Variants in ZFPM2 observed in about 807,000 individuals in gnomAD.
ZFPM2 encodes zinc finger protein ZFPM2.
A neutral mutation model predicts 98.6 loss-of-function variants in ZFPM2; 20 were observed. The ratio of observed to expected loss-of-function variants is 0.20; its 90% CI spans 0.14 to 0.29. The LOEUF (loss-of-function observed/expected upper bound fraction) is 0.29, where lower values mean the gene tolerates loss of function less well. ZFPM2 is among the 10% of genes least tolerant of loss of function. The pLI is 1.00. For missense variants in ZFPM2, 1,310 were observed against 1,388.6 expected, an observed-to-expected ratio of 0.94 and a Z score of 0.90; for synonymous variants, 518 against 502.7, an observed-to-expected ratio of 1.03 and a Z score of -0.41.
intron 4 of ZFPM2, among the ~76,000 whole-genome samples, chr8:105,562,792 A>G (rs887724983): frequency 1.3e-5 from 2 of 152,186 alleles, no homozygotes; most frequent in Non-Finnish European, 2.9e-5. Flanking sequence ...TTTTAAGGTC[A>G]GCTGATTAAC....
In ZFPM2 at chr8:105,801,693, C is replaced by T. The variant is rs1189081125; in HGVS notation, c.1611C>T (p.Pro537=). The T allele has an allele frequency of 6.8e-6, 11 of 1,613,600 alleles. No homozygotes were observed. The highest frequency in any genetic ancestry group is 1.6e-4 in the Middle Eastern group (1 of 6,082). ...GGCATGGCAGTAGTAGCTACCCTCC[C>T]GTCATTTACAGCCCTTTGATGCCCA... ...RLRHGSSSYP[P]VIYSPLMPKG... The change falls in exon 8 of 8, where the codon CCC becomes CCT. Residue 537 remains proline (P), a synonymous_variant. Coordinates refer to ENST00000407775, the MANE Select transcript of ZFPM2 (RefSeq NM_012082.4).
At chr8:105,385,256 G>A (rs1810964931) in intron 1 of ZFPM2, among the ~76,000 whole-genome samples, 1 of 152,200 alleles carries the variant, frequency 6.6e-6, no homozygotes, top group Non-Finnish European at 1.5e-5. Context: ...TGGACTCTGG[G>A]CAGGTTGTGA....
chr8:105,455,921 G>A (rs530667757), intron 3 of ZFPM2, among the ~76,000 whole-genome samples: 1 of 152,132 alleles, frequency 6.6e-6, no homozygotes, highest in Non-Finnish European at 1.5e-5. Context: ...CTGGGGTAGA[G>A]ATAGAAATTG....
intron 1 of ZFPM2, among the ~76,000 whole-genome samples, chr8:105,403,992 AAACAACAAC>A (rs58138715): frequency 0.03 from 4,444 of 147,646 alleles, 90 homozygotes; most frequent in African/African-American, 0.06. Flanking sequence ...ATTGGTGTTA[AAACAACAAC>A]AACAACAACA....
chr8:105,578,794 A>G (rs1563727888), intron 4 of ZFPM2, among the ~76,000 whole-genome samples: 1 of 152,138 alleles, frequency 6.6e-6, no homozygotes, highest in Admixed American at 6.6e-5. Flanking sequence ...TTTCTTTATA[A>G]TGCTTTTAGA....
intron 5 of ZFPM2, among the ~76,000 whole-genome samples, chr8:105,661,977 G>GA (rs892533490): frequency 9.6e-5 from 14 of 145,410 alleles, no homozygotes; most frequent in East Asian, 4.0e-4. Flanking sequence ...CTCTTTGTAA[G>GA]AAAAAAAAAA....
At chr8:105,697,206 T>C (rs535102102) in intron 5 of ZFPM2, among the ~76,000 whole-genome samples, 3 of 152,206 alleles carry the variant, frequency 2.0e-5, no homozygotes, top group Non-Finnish European at 2.9e-5. Context: ...AAATTTGAAA[T>C]ACACAGTCCA....
At chr8:105,471,149 T>A (rs974078760) in intron 3 of ZFPM2, among the ~76,000 whole-genome samples, 8 of 152,188 alleles carry the variant, frequency 5.3e-5, no homozygotes, top group African/African-American at 1.9e-4. Context: ...GATGTTCTCT[T>A]GTTTGGCTGT....
At chr8:105,564,643 C>T (rs1586466257) in intron 4 of ZFPM2, among the ~76,000 whole-genome samples, 2 of 151,940 alleles carry the variant, frequency 1.3e-5, no homozygotes, top group Non-Finnish European at 1.5e-5. Flanking sequence ...ACTTCTGATT[C>T]GAGAGTCTGC....
At chr8:105,728,120 AG>A (rs892102981) in intron 5 of ZFPM2, among the ~76,000 whole-genome samples, 13 of 151,720 alleles carry the variant, frequency 8.6e-5, no homozygotes, top group Admixed American at 7.9e-4. Context: ...TGGTTTTTAT[AG>A]TAAATTGCCA....
chr8:105,563,394 A>G (rs896105304), intron 4 of ZFPM2, among the ~76,000 whole-genome samples: 1 of 152,202 alleles, frequency 6.6e-6, no homozygotes, highest in Non-Finnish European at 1.5e-5. Context: ...TACTTTGTAC[A>G]TTCATGTATT....
chr8:105,770,625 A>C (rs1041023593), intron 5 of ZFPM2, among the ~76,000 whole-genome samples: 3 of 152,102 alleles, frequency 2.0e-5, no homozygotes, highest in African/African-American at 7.2e-5. Context: ...CTTAGAGGGC[A>C]CATTATTTTG....
chr8:105,684,872 C>A (rs1049805835), intron 5 of ZFPM2: 1 of 151,964 alleles, frequency 6.6e-6, no homozygotes, highest in Non-Finnish European at 1.5e-5. Context: ...CCAACTATAT[C>A]GACATAAAGA....
In ZFPM2 at chr8:105,802,073, A is replaced by T. The variant is rs1563573987; in HGVS notation, c.1991A>T (p.Asn664Ile). The stretch of plus-strand genomic sequence containing the variant: ...TCCAGTAACAATGATGACAAAATTA[A>T]TGGAAAACCTGTTGATGTGAAAAAT... ...STSSNNDDKI[N>I]GKPVDVKNPS... Residue 664 changes from asparagine (N) to isoleucine (I), a missense_variant, in exon 8 of 8, where the codon AAT becomes ATT. By Grantham distance (149) the Asn-to-Ile change is moderately radical. Transcript: ENST00000407775. 6 of 1,613,862 alleles carry T rather than the reference A, an allele frequency of 3.7e-6. No individual in the cohort carries two copies. Among genetic ancestry groups the T allele is most frequent in the Non-Finnish European group, 5.1e-6 (6 of 1,179,874 alleles).
Position 105,651,562 on chromosome 8 carries a change from C to T in ZFPM2, c.532+17205C>T, listed in dbSNP as rs554523689. ...CTGATAACCTTCTCACCATCTGTAT[C>T]ATTTTTAACAGGTACCATTAAATAT... On this transcript the variant is annotated intron_variant, in intron 5 of 7. Transcript: ENST00000407775. Among the ~76,000 whole-genome samples the T allele has an allele frequency of 2.5e-4, 38 of 152,050 alleles. No homozygotes were observed. In the South Asian group the frequency reaches 6.0e-3, roughly 24 times the overall value.
chr8:105,635,300 A>G (rs1361041955), intron 5 of ZFPM2, among the ~76,000 whole-genome samples: 1 of 152,174 alleles, frequency 6.6e-6, no homozygotes, highest in Non-Finnish European at 1.5e-5. Context: ...ATTAACATAT[A>G]AAACACTAAT....
At chr8:105,468,402 C>T (rs148372122) in intron 3 of ZFPM2, among the ~76,000 whole-genome samples, 3 of 152,194 alleles carry the variant, frequency 2.0e-5, no homozygotes, top group Non-Finnish European at 4.4e-5. Context: ...CGCTTTATCC[C>T]TCTCCATCAC....
intron 5 of ZFPM2, among the ~76,000 whole-genome samples, chr8:105,715,872 T>C (rs1225372515): frequency 6.6e-6 from 1 of 152,030 alleles, no homozygotes; most frequent in Non-Finnish European, 1.5e-5. Context: ...CTAGGGCCAA[T>C]GAACTTGAAA....
At chr8:105,499,061 T>C (rs1200721983) in intron 3 of ZFPM2, among the ~76,000 whole-genome samples, 1 of 152,138 alleles carries the variant, frequency 6.6e-6, no homozygotes. Context: ...ACATTTAAAA[T>C]AGGCATAGTT....
Sources: allele counts gnomAD v4.1 joint callset (sites outside exome capture counted in the v4.1 genomes callset), GRCh38; gene constraint gnomAD v4.1.1; transcripts MANE v1.5; gene names NCBI Gene and HGNC (gene_info 2026-07-23, HGNC 2026-07-21).